The following COX6C variants were observed in gnomAD, a reference collection of about 807,000 sequenced individuals.
The protein encoded by COX6C is cytochrome c oxidase polypeptide VIc.
Under a neutral mutation model 6.9 loss-of-function variants are expected in COX6C, and 3 were observed. The ratio of observed to expected loss-of-function variants is 0.43; its 90% CI spans 0.20 to 1.12. The LOEUF (loss-of-function observed/expected upper bound fraction) is 1.12, where lower values mean the gene tolerates loss of function less well. COX6C is among the 50% of genes most tolerant of loss of function. COX6C has a pLI of 0.27. For synonymous variants in COX6C, 32 were observed against 32.0 expected (o/e 1.00, Z 0.00); for missense variants, 101 against 97.3 (o/e 1.04, Z -0.16).
intron 2 of COX6C, among the ~76,000 whole-genome samples, chr8:99,888,514 CA>C (rs1361733448): frequency 6.6e-6 from 1 of 152,124 alleles, no homozygotes. Flanking sequence ...TCGGAGGGTG[CA>C]GTGAGCCGAG....
chr8:99,887,234 A>G, intron 3 of COX6C: 1 of 281,990 alleles, frequency 3.5e-6, no homozygotes, highest in Non-Finnish European at 6.6e-6. Context: ...TCAGCTGTTT[A>G]CCCTTGTGAT....
At chr8:99,884,338 G>C (rs549740471) in intron 3 of COX6C, among the ~76,000 whole-genome samples, 1 of 152,136 alleles carries the variant, frequency 6.6e-6, no homozygotes, top group East Asian at 1.9e-4. Context: ...GGAAATAAAG[G>C]AATGCCTAAT....
intron 3 of COX6C, among the ~76,000 whole-genome samples, chr8:99,879,232 A>G (rs935411369): frequency 6.6e-5 from 10 of 152,328 alleles, no homozygotes; most frequent in African/African-American, 2.4e-4. Flanking sequence ...CCTTTTCTAG[A>G]TAATAGAACT....
In COX6C at chr8:99,884,094, C is replaced by T. The variant is rs143240179; in HGVS notation, c.*15+3396G>A. 5.9e-3 allele frequency among the ~76,000 whole-genome samples: 899 copies of T among 152,270 alleles called. 8 individuals are homozygous for T. Among genetic ancestry groups the T allele is most frequent in the African/African-American group, 0.02 (846 of 41,536 alleles). On this transcript the variant is annotated intron_variant, in intron 3 of 3. Coordinates refer to ENST00000520468, the MANE Select transcript of COX6C (RefSeq NM_004374.4). ...ATACCTAGAACCAGACAAGGATGCC[C>T]GCTCTTGCCACTTCTATTCATTGTA... is the stretch of plus-strand genomic sequence containing the variant.
rs763308837 is a variant in COX6C, at chr8:99,887,531, C to T, written c.202G>A (p.Ala68Thr). Residue 68 changes from alanine (A) to threonine (T), a missense_variant, in exon 3 of 4, where the codon GCT (alanine) becomes ACT (threonine). By Grantham distance (58) the Ala-to-Thr change is moderately conservative. Transcript: ENST00000520468. ...TACTTTACACTCTGAAAGATACCAGCCTTCCTCATCTCCTCAAAATCTTTC... is the reference window on the plus strand; with the variant it reads ...TACTTTACACTCTGAAAGATACCAGTCTTCCTCATCTCCTCAAAATCTTTC... ...VMKDFEEMRK[A>T]GIFQSVK 3.7e-6 allele frequency: 6 copies of T among 1,606,124 alleles called. No homozygotes were observed. The South Asian group carries it at 5.6e-5, about 15-fold the overall frequency.
rs142400545 is a variant in COX6C, at chr8:99,879,255, G to T, written c.*16-990C>A. Among the ~76,000 whole-genome samples, 31 of 152,228 alleles carry T rather than the reference G, an allele frequency of 2.0e-4. No homozygotes were observed. The East Asian group carries it at 5.8e-3, about 28-fold the overall frequency. Reference sequence around the variant, plus strand: ...AGATAATAGAACTTTAATTCACACTGTCCATGAGGCATAAGGACCTTGTGA... The same window carrying T: ...AGATAATAGAACTTTAATTCACACTTTCCATGAGGCATAAGGACCTTGTGA... On this transcript the variant is annotated intron_variant, in intron 3 of 3. Transcript: ENST00000520468.
At chr8:99,878,935 T>C (rs1817802471) in intron 3 of COX6C, 1 of 152,218 alleles carries the variant, frequency 6.6e-6, no homozygotes, top group South Asian at 2.1e-4. Flanking sequence ...TGACTTACGA[T>C]ATTCTCAACA....
At chr8:99,888,610 G>A (rs114031721) in intron 2 of COX6C, among the ~76,000 whole-genome samples, 2,399 of 152,274 alleles carry the variant, frequency 0.016, 59 homozygotes, top group African/African-American at 0.054. Context: ...AAGCACAAGT[G>A]CTGGGGGCCA....
rs1265896910 is a variant in COX6C, at chr8:99,885,176, C to T, written c.*15+2314G>A. ...CCACCGCTTTAGTTCTACCCACAGTCAACTGTGGTTCAAAAACAGGTGAGT... is the reference window on the plus strand; with the variant it reads ...CCACCGCTTTAGTTCTACCCACAGTTAACTGTGGTTCAAAAACAGGTGAGT... On this transcript the variant is annotated intron_variant, in intron 3 of 3. Coordinates refer to ENST00000520468, the MANE Select transcript of COX6C (RefSeq NM_004374.4). Among the ~76,000 whole-genome samples the T allele has an allele frequency of 2.0e-5, 3 of 152,202 alleles. No homozygotes were observed. The East Asian group carries it at 5.8e-4, about 29-fold the overall frequency.
intron 2 of COX6C, among the ~76,000 whole-genome samples, chr8:99,889,966 C>T (rs1186627115): frequency 1.3e-5 from 2 of 151,768 alleles, no homozygotes; most frequent in Non-Finnish European, 2.9e-5. Flanking sequence ...TGGTGGCGGA[C>T]GCCTGTAGTC....
At chr8:99,879,378 G>A (rs1372260453) in intron 3 of COX6C, among the ~76,000 whole-genome samples, 18 of 152,088 alleles carry the variant, frequency 1.2e-4, no homozygotes. Flanking sequence ...TTTTAAAAAA[G>A]TGACTTCTAA....
At chr8:99,888,121 A>G (rs1223752610) in intron 2 of COX6C, among the ~76,000 whole-genome samples, 2 of 150,598 alleles carry the variant, frequency 1.3e-5, no homozygotes, top group African/African-American at 4.9e-5. Context: ...AAAATAAAAA[A>G]TAAAAAAAAA....
At chr8:99,889,409 G>T (rs774341163) in intron 2 of COX6C, among the ~76,000 whole-genome samples, 9 of 144,096 alleles carry the variant, frequency 6.2e-5, no homozygotes, top group Non-Finnish European at 1.3e-4. Context: ...TTTTGAGACA[G>T]AGTCTCGCTC....
At chr8:99,887,920 G>A (rs1299619393) in intron 2 of COX6C, among the ~76,000 whole-genome samples, 7 of 151,890 alleles carry the variant, frequency 4.6e-5, no homozygotes, top group African/African-American at 1.7e-4. Flanking sequence ...AGACAAAAAT[G>A]GAAAGTTTAA....
chr8:99,885,521 A>C (rs959032880), intron 3 of COX6C, among the ~76,000 whole-genome samples: 1 of 152,142 alleles, frequency 6.6e-6, no homozygotes, highest in African/African-American at 2.4e-5. Context: ...ATTTAGAGTC[A>C]AATGATTTCA....
chr8:99,878,861 T>C (rs1175786609), intron 3 of COX6C: 1 of 152,222 alleles, frequency 6.6e-6, no homozygotes, highest in African/African-American at 2.4e-5. Flanking sequence ...ACCCAACTTA[T>C]GATGGTTTGA....
Position 99,893,697 on chromosome 8 carries a change from A to T in COX6C, c.-90T>A, listed in dbSNP as rs1818098105. The T allele has an allele frequency of 6.6e-6, 1 of 152,310 alleles. No individual in the cohort carries two copies. The highest frequency in any genetic ancestry group is 1.5e-5 in the Non-Finnish European group (1 of 68,082). The allele number at this position is 152,310 out of a possible 1,614,324, so 9.4% of individuals were successfully genotyped here. A position where few individuals can be genotyped will look rare whatever the true frequency, so the allele number is the denominator to read the frequency against. On this transcript the variant is annotated 5_prime_UTR_variant, in exon 1 of 4. Coordinates refer to ENST00000520468, the MANE Select transcript of COX6C (RefSeq NM_004374.4). ...AACGAACCGTGCTGTAGCCGCGCGC[A>T]GGCGCAGAATAAGAGTGCACAGCGA... is the stretch of plus-strand genomic sequence containing the variant.
chr8:99,884,656 C>T (rs983594810), intron 3 of COX6C, among the ~76,000 whole-genome samples: 2 of 152,172 alleles, frequency 1.3e-5, no homozygotes, highest in Middle Eastern at 3.4e-3. Flanking sequence ...TCCTTTTATC[C>T]AAGGTGATAT....
At chr8:99,885,741 T>C (rs1003157388) in intron 3 of COX6C, among the ~76,000 whole-genome samples, 2 of 152,194 alleles carry the variant, frequency 1.3e-5, no homozygotes, top group African/African-American at 2.4e-5. Flanking sequence ...CAATGATTTA[T>C]TGAATATGAC....
Sources: gnomAD v4.1 joint callset for allele counts (sites outside exome capture counted in the v4.1 genomes callset) on GRCh38, gnomAD v4.1.1 for gene constraint, MANE v1.5 for transcripts, NCBI Gene and HGNC (gene_info 2026-07-23, HGNC 2026-07-21) for gene names.